Variants in OPCML observed in about 807,000 individuals in gnomAD.
OPCML encodes the protein opioid binding protein/cell adhesion molecule like.
A neutral mutation model predicts 37.8 loss-of-function variants in OPCML; 13 were observed. The observed-to-expected ratio is 0.34, with a 90% CI of 0.22 to 0.55. The LOEUF (loss-of-function observed/expected upper bound fraction) is 0.55. OPCML is among the 20% of genes least tolerant of loss of function. OPCML has a pLI of 0.91. For synonymous variants in OPCML, 176 were observed against 168.8 expected, an observed-to-expected ratio of 1.04 and a Z score of -0.33; for missense variants, 341 against 435.6, an observed-to-expected ratio of 0.78 and a Z score of 1.93.
chr11:133,268,459 A>G (rs1941723882), intron 1 of OPCML, among the ~76,000 whole-genome samples: 1 of 152,232 alleles, frequency 6.6e-6, no homozygotes, highest in African/African-American at 2.4e-5. Context: ...ATACAAATAT[A>G]TTAAAGTTCA....
intron 4 of OPCML, among the ~76,000 whole-genome samples, chr11:132,475,284 C>T (rs2096151551): frequency 6.6e-6 from 1 of 152,156 alleles, no homozygotes; most frequent in Non-Finnish European, 1.5e-5. Context: ...AGTGAGTGTA[C>T]AGAAACAAAG....
At chr11:133,345,807 T>C (rs1258003689) in intron 1 of OPCML, among the ~76,000 whole-genome samples, 1 of 152,224 alleles carries the variant, frequency 6.6e-6, no homozygotes, top group African/African-American at 2.4e-5. Flanking sequence ...ATTGCTCTGA[T>C]GACATTTCAC....
intron 2 of OPCML, among the ~76,000 whole-genome samples, chr11:132,812,974 A>G (rs1434811658): frequency 2.0e-5 from 3 of 152,222 alleles, no homozygotes; most frequent in Admixed American, 6.5e-5. Flanking sequence ...ATGATTTACT[A>G]AATGAGACCT....
chr11:132,529,062 C>T lies in OPCML; in HGVS notation c.504G>A (p.Lys168=). The change falls in exon 4 of 8, where the codon AAG becomes AAA. Residue 168 remains lysine, a splice_region_variant and synonymous_variant. Transcript: ENST00000524381. ...PTVTWRHLSV[K]EGQGFVSEDE... is the part of the protein sequence containing the mutation. ...ACGTCCTCCAGGTCAGCACCTTACCCTTGACTGACAGGTGTCTCCATGTCA... is the reference window on the plus strand; with the variant it reads ...ACGTCCTCCAGGTCAGCACCTTACCTTTGACTGACAGGTGTCTCCATGTCA... 1 of 1,609,172 alleles carries T rather than the reference C, an allele frequency of 6.2e-7. No homozygotes were observed. The highest frequency in any genetic ancestry group is 8.5e-7 in the Non-Finnish European group (1 of 1,176,030).
At chr11:133,188,854 A>G (rs952818712) in intron 1 of OPCML, among the ~76,000 whole-genome samples, 4 of 152,014 alleles carry the variant, frequency 2.6e-5, no homozygotes, top group Non-Finnish European at 1.5e-5. Flanking sequence ...TGCACCCCAC[A>G]CTTCTCATCC....
chr11:132,855,310 C>T (rs1417883081), intron 2 of OPCML, among the ~76,000 whole-genome samples: 1 of 152,180 alleles, frequency 6.6e-6, no homozygotes, highest in African/African-American at 2.4e-5. Context: ...TCATCCCCAA[C>T]CAATCAGCAA....
chr11:133,448,050 A>C (rs1194079597), intron 1 of OPCML, among the ~76,000 whole-genome samples: 1 of 152,174 alleles, frequency 6.6e-6, no homozygotes, highest in East Asian at 1.9e-4. Context: ...GAAAAAGTCC[A>C]ATGTATTATT....
chr11:132,461,583 G>T (rs896460762), intron 4 of OPCML, among the ~76,000 whole-genome samples: 1 of 152,252 alleles, frequency 6.6e-6, no homozygotes, highest in South Asian at 2.1e-4. Flanking sequence ...TCTGTGAGCT[G>T]ATCTGCAAAT....
At position 133,174,386 on chromosome 11, in the gene OPCML, G is replaced by A. The variant is rs1333852355; in HGVS notation, c.62-231376C>T. Among the ~76,000 whole-genome samples the A allele has an allele frequency of 6.6e-6, 1 of 152,104 alleles. No homozygotes were observed. Among genetic ancestry groups the A allele is most frequent in the Non-Finnish European group, 1.5e-5 (1 of 68,032 alleles). On this transcript the variant is annotated intron_variant, in intron 1 of 7. Transcript: ENST00000524381. The surrounding 1 kb of genome is among the most constrained non-coding windows in gnomAD (Gnocchi z 4.6). ...TCAAAAGCCCCATTCCCTGTGCCTG[G>A]TAGTGAAATAAGGCAGCTAAACCTT...
intron 1 of OPCML, among the ~76,000 whole-genome samples, chr11:133,011,935 G>A (rs974605237): frequency 2.2e-4 from 34 of 152,294 alleles, no homozygotes; most frequent in Admixed American, 9.8e-4. Flanking sequence ...GTCAAAAACA[G>A]CCACAGACAG....
Position 132,903,531 on chromosome 11 carries a change from G to A in OPCML, c.146+39395C>T, listed in dbSNP as rs185896047. Among the ~76,000 whole-genome samples the A allele has an allele frequency of 1.5e-3, 224 of 152,194 alleles. 1 individual carries two copies. The highest frequency in any genetic ancestry group is 5.2e-3 in the African/African-American group (214 of 41,532). On this transcript the variant is annotated intron_variant, in intron 2 of 7. Transcript: ENST00000524381. The stretch of plus-strand genomic sequence containing the variant: ...ATAGTTCAGGCTATGATGGGAATTG[G>A]GCGTTGGACATGCCTCATTATACCC...
At chr11:133,209,117 T>C (rs1939243824) in intron 1 of OPCML, among the ~76,000 whole-genome samples, 1 of 152,214 alleles carries the variant, frequency 6.6e-6, no homozygotes, top group African/African-American at 2.4e-5. Flanking sequence ...CCATGTGCCA[T>C]TATATCGCTT....
chr11:133,530,157 G>A (rs1015884132), intron 1 of OPCML, among the ~76,000 whole-genome samples: 14 of 152,172 alleles, frequency 9.2e-5, no homozygotes, highest in Non-Finnish European at 1.5e-5. Context: ...TCAGGCAGGG[G>A]TGCAGGTTCA....
At chr11:133,114,508 T>C (rs1949302492) in intron 1 of OPCML, among the ~76,000 whole-genome samples, 1 of 152,202 alleles carries the variant, frequency 6.6e-6, no homozygotes, top group South Asian at 2.1e-4. Context: ...CCATTGCCTC[T>C]AATTGTGTGT....
At chr11:133,326,112 T>A (rs1943441777) in intron 1 of OPCML, among the ~76,000 whole-genome samples, 1 of 152,154 alleles carries the variant, frequency 6.6e-6, no homozygotes, top group Admixed American at 6.5e-5. Flanking sequence ...TGAACCTGTT[T>A]TTCTTGCTGC....
At chr11:133,190,024 C>T (rs968737161) in intron 1 of OPCML, among the ~76,000 whole-genome samples, 3 of 152,210 alleles carry the variant, frequency 2.0e-5, no homozygotes, top group Admixed American at 2.0e-4. Flanking sequence ...TTCCAAAGGA[C>T]TTTACCACTT....
At chr11:132,444,612 T>C (rs1325743382) in intron 4 of OPCML, among the ~76,000 whole-genome samples, 1 of 152,178 alleles carries the variant, frequency 6.6e-6, no homozygotes, top group Non-Finnish European at 1.5e-5. Flanking sequence ...TGTGTTCACA[T>C]TATGCCTGAT....
At chr11:133,527,388 T>C (rs1412459562) in intron 1 of OPCML, among the ~76,000 whole-genome samples, 2 of 152,230 alleles carry the variant, frequency 1.3e-5, no homozygotes, top group Non-Finnish European at 2.9e-5. Context: ...AATTTCCTGT[T>C]TTACTCGATT....
intron 3 of OPCML, among the ~76,000 whole-genome samples, chr11:132,602,581 G>A (rs577092657): frequency 2.6e-4 from 40 of 152,244 alleles, no homozygotes; most frequent in African/African-American, 2.2e-4. Context: ...GAGCCCTGGC[G>A]ACACCTTCCT....
Sources: gnomAD v4.1 joint callset for allele counts (sites outside exome capture counted in the v4.1 genomes callset) on GRCh38, gnomAD v4.1.1 for gene constraint, Gnocchi (gnomAD v3.1) non-coding constraint, MANE v1.5 for transcripts, NCBI Gene and HGNC (gene_info 2026-07-23, HGNC 2026-07-21) for gene names.